Variants in FNDC3B observed in about 807,000 individuals in gnomAD.
FNDC3B encodes fibronectin type III domain containing 3B, also known as fibronectin type III domain-containing protein 3B.
FNDC3B carries 12 observed loss-of-function variants against 151.5 expected under a neutral mutation model. The ratio of observed to expected loss-of-function variants is 0.08; its 90% confidence interval spans 0.05 to 0.13. The LOEUF is 0.13. Among genes scored for constraint, FNDC3B ranks in the 10% least tolerant of loss-of-function variants. The pLI, the probability that FNDC3B is intolerant of heterozygous loss-of-function variation, is 1.00. For missense variants in FNDC3B, 1,214 were observed against 1,505.3 expected, an observed-to-expected ratio of 0.81 and a Z score of 3.20; for synonymous variants, 528 against 549.0, an observed-to-expected ratio of 0.96 and a Z score of 0.54.
At position 172,344,236 on chromosome 3, in the gene FNDC3B, T is replaced by A. The variant is rs765319565; in HGVS notation, c.2228T>A (p.Val743Glu). The change falls in exon 19 of 26, where the codon GTG becomes GAG. Residue 743 changes from valine (V) to glutamate (E), a missense_variant. Physicochemically the swap from Val to Glu is moderately radical, Grantham distance 121. Around this residue, in one of 7 missense-constraint regions of FNDC3B, gnomAD observed 380 missense variants for 420.9 expected, o/e 0.90. Coordinates refer to ENST00000415807, the MANE Select transcript of FNDC3B (RefSeq NM_022763.4). ...LLPGTVYRFR[V>E]RALNDGGYGP... ...CCTGGAACCGTGTATCGCTTCCGGG[T>A]GAGGGCTCTGAATGATGGAGGGGTG... 3 of 1,613,682 alleles carry A rather than the reference T, an allele frequency of 1.9e-6. No individual in the cohort carries two copies. Among genetic ancestry groups the A allele is most frequent in the African/African-American group, 1.3e-5 (1 of 74,876 alleles).
At chr3:172,320,735 A>C (rs1399222768) in intron 11 of FNDC3B, among the ~76,000 whole-genome samples, 3 of 152,308 alleles carry the variant, frequency 2.0e-5, no homozygotes, top group East Asian at 1.9e-4. Context: ...CACTGGCAGG[A>C]AAACACTGTA....
intron 23 of FNDC3B, among the ~76,000 whole-genome samples, chr3:172,367,291 G>C (rs1257724934): frequency 6.7e-6 from 1 of 149,196 alleles, no homozygotes; most frequent in African/African-American, 2.5e-5. Context: ...TTTTTTTCTT[G>C]AATTACTACT....
At chr3:172,153,313 C>G (rs1722325395) in intron 3 of FNDC3B, among the ~76,000 whole-genome samples, 1 of 152,206 alleles carries the variant, frequency 6.6e-6, no homozygotes, top group African/African-American at 2.4e-5. Flanking sequence ...TGTGTCTCCC[C>G]TGAGCTGGTG....
intron 1 of FNDC3B, among the ~76,000 whole-genome samples, chr3:172,045,682 C>A (rs1247625021): frequency 6.6e-6 from 1 of 151,862 alleles, no homozygotes; most frequent in Admixed American, 6.6e-5. Flanking sequence ...ACATTATTTT[C>A]AAGTAAATTA....
intron 3 of FNDC3B, among the ~76,000 whole-genome samples, chr3:172,185,988 G>A (rs9841862): frequency 4.6e-5 from 7 of 151,944 alleles, no homozygotes; most frequent in African/African-American, 1.7e-4. Context: ...TAATAAAAAG[G>A]AGCGTTAATA....
chr3:172,197,364 G>T (rs897583051), intron 3 of FNDC3B, among the ~76,000 whole-genome samples: 1 of 152,082 alleles, frequency 6.6e-6, no homozygotes, highest in South Asian at 2.1e-4. Flanking sequence ...TTTCTGAACC[G>T]TTAGAGAGTA....
At chr3:172,366,308 GTTA>G (rs1734617347) in intron 23 of FNDC3B, among the ~76,000 whole-genome samples, 1 of 152,070 alleles carries the variant, frequency 6.6e-6, no homozygotes, top group African/African-American at 2.4e-5. Context: ...TTGTTGTTTT[GTTA>G]TTGTTGTTGT....
At chr3:172,089,005 G>T (rs917441351) in intron 1 of FNDC3B, among the ~76,000 whole-genome samples, 6 of 152,048 alleles carry the variant, frequency 3.9e-5, no homozygotes, top group African/African-American at 1.4e-4. Flanking sequence ...CTTTCTACGG[G>T]ACAAAAAAGG....
At chr3:172,178,098 G>A (rs933280475) in intron 3 of FNDC3B, among the ~76,000 whole-genome samples, 3 of 152,128 alleles carry the variant, frequency 2.0e-5, no homozygotes, top group Non-Finnish European at 4.4e-5. Context: ...AACTTTCTTA[G>A]GACCATACAA....
chr3:172,204,784 G>A lies in FNDC3B; in HGVS notation c.188-22087G>A, dbSNP rs116539438. 2.5e-3 allele frequency among the ~76,000 whole-genome samples: 386 copies of A among 152,328 alleles called. 2 individuals are homozygous for A. The highest frequency in any genetic ancestry group is 5.0e-3 in the South Asian group (24 of 4,826). ...GCATGAACTGCGGACAGAGCCCATG[G>A]AAAAGATGTGGCATTCCTTGCAATT... is the stretch of plus-strand genomic sequence containing the variant. On this transcript the variant is annotated intron_variant, in intron 3 of 25. Transcript: ENST00000415807.
At chr3:172,275,684 T>A (rs1729399011) in intron 6 of FNDC3B, among the ~76,000 whole-genome samples, 1 of 152,194 alleles carries the variant, frequency 6.6e-6, no homozygotes, top group Admixed American at 6.5e-5. Flanking sequence ...CAAGTAGCAT[T>A]TTCCGTATAG....
At chr3:172,091,092 A>G (rs1005824942) in intron 1 of FNDC3B, among the ~76,000 whole-genome samples, 8 of 152,232 alleles carry the variant, frequency 5.3e-5, no homozygotes, top group Non-Finnish European at 8.8e-5. Context: ...TTCATTGCCT[A>G]TGAAGAGTTT....
intron 7 of FNDC3B, among the ~76,000 whole-genome samples, chr3:172,294,942 G>A (rs944628858): frequency 6.6e-6 from 1 of 152,174 alleles, no homozygotes; most frequent in African/African-American, 2.4e-5. Flanking sequence ...GAATCTGCAG[G>A]ACTTCAGCGG....
intron 13 of FNDC3B, among the ~76,000 whole-genome samples, chr3:172,332,247 G>A (rs1732721938): frequency 6.6e-6 from 1 of 152,200 alleles, no homozygotes; most frequent in South Asian, 2.1e-4. Flanking sequence ...TGGGATTACA[G>A]TTGTGAGCCA....
In FNDC3B at chr3:172,257,913, C is replaced by G. The variant is rs571371674; in HGVS notation, c.790+6372C>G. On this transcript the variant is annotated intron_variant, in intron 6 of 25. Coordinates refer to ENST00000415807, the MANE Select transcript of FNDC3B (RefSeq NM_022763.4). Reference sequence around the variant, plus strand: ...AACTGCTGGCTCTTTGAGTGCCAAGCAATTTTTAACCAAGATTTTAAATGG... The same window carrying G: ...AACTGCTGGCTCTTTGAGTGCCAAGGAATTTTTAACCAAGATTTTAAATGG... Among the ~76,000 whole-genome samples the G allele has an allele frequency of 2.6e-5, 4 of 151,924 alleles. No individual in the cohort carries two copies. In the East Asian group the frequency reaches 7.8e-4, roughly 29 times the overall value.
At chr3:172,212,413 G>A (rs1424724922) in intron 3 of FNDC3B, among the ~76,000 whole-genome samples, 2 of 152,086 alleles carry the variant, frequency 1.3e-5, no homozygotes, top group African/African-American at 2.4e-5. Flanking sequence ...TCATTCTTCT[G>A]AACTGGTCCG....
chr3:172,134,579 C>T (rs1348176616), intron 3 of FNDC3B, among the ~76,000 whole-genome samples: 1 of 151,872 alleles, frequency 6.6e-6, no homozygotes, highest in Non-Finnish European at 1.5e-5. Flanking sequence ...TGTATAGAAA[C>T]AGTTTTTTTT....
chr3:172,046,236 T>C (rs1716363291), intron 1 of FNDC3B, among the ~76,000 whole-genome samples: 1 of 152,240 alleles, frequency 6.6e-6, no homozygotes, highest in Admixed American at 6.5e-5. Flanking sequence ...CCAGTTAAGA[T>C]ATGCAAGTTT....
chr3:172,078,326 CTTG>C (rs1293818752), intron 1 of FNDC3B, among the ~76,000 whole-genome samples: 7 of 152,178 alleles, frequency 4.6e-5, no homozygotes, highest in Admixed American at 6.5e-5. Context: ...TTTCTTTCGA[CTTG>C]TTGTTCTTTA....
Sources: allele counts gnomAD v4.1 joint callset (sites outside exome capture counted in the v4.1 genomes callset), GRCh38; gene constraint gnomAD v4.1.1; regional missense constraint gnomAD v4.1.1; transcripts MANE v1.5; gene names NCBI Gene and HGNC (gene_info 2026-07-23, HGNC 2026-07-21).